The following DHRS12 variants were observed in gnomAD, a reference collection of about 807,000 sequenced individuals.
DHRS12 encodes dehydrogenase/reductase SDR family member 12.
Under a neutral mutation model 32.1 loss-of-function variants are expected in DHRS12, and 29 were observed. The observed-to-expected ratio is 0.90, with a 90% CI of 0.67 to 1.23. The LOEUF is 1.23. Among genes scored for constraint, DHRS12 ranks in the 50% most tolerant of loss-of-function variants. DHRS12 has a pLI of 0.00. For synonymous variants in DHRS12, 150 were observed against 135.9 expected (o/e 1.10, Z -0.72); for missense variants, 330 against 337.2 (o/e 0.98, Z 0.17).
chr13:51,781,779 G>A (rs908107241), intron 4 of DHRS12, among the ~76,000 whole-genome samples: 2 of 152,196 alleles, frequency 1.3e-5, no homozygotes, highest in African/African-American at 2.4e-5. Flanking sequence ...GCCTCCAAGG[G>A]CAACGCCAGA....
intron 4 of DHRS12, among the ~76,000 whole-genome samples, chr13:51,786,907 T>A (rs1004778561): frequency 6.6e-6 from 1 of 152,142 alleles, no homozygotes; most frequent in Non-Finnish European, 1.5e-5. Flanking sequence ...GGAAAACATG[T>A]TTCATATTAG....
chr13:51,762,792 A>G, the DHRS12 span: 2 of 121,502 alleles, frequency 1.6e-5, no homozygotes, highest in Non-Finnish European at 3.6e-5. Flanking sequence ...ATAATGCCTA[A>G]CATGCCTGCG....
chr13:51,772,074 C>T (rs1272726782), intron 6 of DHRS12, among the ~76,000 whole-genome samples, 163 bp from the exon 7 acceptor site: 1 of 152,092 alleles, frequency 6.6e-6, no homozygotes, highest in Non-Finnish European at 1.5e-5. Context: ...TACTCAGCAG[C>T]CCTGAGTAGG....
chr13:51,789,217 A>G (rs773891000), intron 4 of DHRS12, among the ~76,000 whole-genome samples: 37 of 152,200 alleles, frequency 2.4e-4, no homozygotes, highest in Non-Finnish European at 4.7e-4. Flanking sequence ...GTGACCTAGA[A>G]CAATACTTAA....
intron 7 of DHRS12, among the ~76,000 whole-genome samples, chr13:51,770,249 G>A (rs1305399807): frequency 6.6e-6 from 1 of 152,178 alleles, no homozygotes; most frequent in Admixed American, 6.5e-5. Flanking sequence ...CTTGTGATGT[G>A]TCACTCCGCG....
chr13:51,786,847 G>C (rs148649274), intron 4 of DHRS12, among the ~76,000 whole-genome samples: 23 of 152,314 alleles, frequency 1.5e-4, no homozygotes, highest in Admixed American at 2.6e-4. Flanking sequence ...CAGCTCATGT[G>C]AATCTTAGAA....
Position 51,768,803 on chromosome 13 carries a change from G to C in DHRS12, c.697+353C>G, listed in dbSNP as rs572802253. ...AGTCCCTTACACCCTTTGCACTGCA[G>C]AGAAGCAGAGTCCGTTACTCCCTTT... On this transcript the variant is annotated intron_variant, in intron 8 of 8. Coordinates refer to ENST00000444610, the MANE Select transcript of DHRS12 (RefSeq NM_001377533.1). 1.6e-4 allele frequency: 197 copies of C among 1,243,932 alleles called. 5 individuals carry two copies. The South Asian group carries it at 3.8e-3, about 24-fold the overall frequency. 77.1% of individuals were successfully genotyped at this position (1,243,932 alleles called of 1,614,324 possible).
At chr13:51,767,907 G>GAT, downstream of DHRS12, 1 of 1,018,194 alleles carries the variant, frequency 9.8e-7, no homozygotes, top group Non-Finnish European at 1.3e-6. Flanking sequence ...AGACTGAAAT[G>GAT]ATGGTTCATC....
At chr13:51,773,504 G>A (rs1249795602) in intron 6 of DHRS12, among the ~76,000 whole-genome samples, 2 of 152,112 alleles carry the variant, frequency 1.3e-5, no homozygotes, top group African/African-American at 4.8e-5. Flanking sequence ...GTTCAGAGTA[G>A]TCAAGGGTTC....
At position 51,793,792 on chromosome 13, in the gene DHRS12, C is replaced by G. The variant is rs977111013; in HGVS notation, c.127-2535G>C. ...CCTTGTCTGCCACCACCCTAAAACT[C>G]CCTCCTACCAGAAAGCGCTGTGTAA... On this transcript the variant is annotated intron_variant, in intron 2 of 8. Transcript: ENST00000444610. 2.0e-5 allele frequency among the ~76,000 whole-genome samples: 3 copies of G among 152,334 alleles called. No individual in the cohort carries two copies. The South Asian group carries it at 6.2e-4, about 32-fold the overall frequency.
At chr13:51,768,608 C>T (rs1338231149) in intron 8 of DHRS12, 2 of 1,218,054 alleles carry the variant, frequency 1.6e-6, no homozygotes, top group Non-Finnish European at 2.1e-6. Context: ...ATTCCTCAAG[C>T]AAGGGTGGTT....
At chr13:51,761,986 G>C in the DHRS12 span, 1 of 152,224 alleles carries the variant, frequency 6.6e-6, no homozygotes, top group Non-Finnish European at 1.5e-5. Context: ...CTGCATGATT[G>C]CTCTTTGAGA....
rs139463725 is a variant in DHRS12 at position 51,799,729 on chromosome 13, G to A, written c.-8-62C>T. 2.1e-4 allele frequency: 332 copies of A among 1,578,914 alleles called. 1 individual carries two copies. The African/African-American group carries it at 3.9e-3, about 19-fold the overall frequency. On this transcript the variant is annotated intron_variant, in intron 1 of 8. Transcript: ENST00000444610. ...GGAGTGGGGAACACAAACCCCTGCA[G>A]GAGAAAGCCTAATTCTAGGATGGGC...
intron 2 of DHRS12, among the ~76,000 whole-genome samples, chr13:51,796,588 T>C (rs1159393304): frequency 6.6e-6 from 1 of 152,186 alleles, no homozygotes; most frequent in Non-Finnish European, 1.5e-5. Context: ...ATTATCATCA[T>C]TTTTCATTTA....
At chr13:51,767,971 A>T, downstream of DHRS12, 2 of 1,358,608 alleles carry the variant, frequency 1.5e-6, no homozygotes, top group Non-Finnish European at 1.9e-6. Context: ...ACTTAAAATA[A>T]GAAAAGAACC....
the DHRS12 span, among the ~76,000 whole-genome samples, chr13:51,758,610 C>T: frequency 3.4e-5 from 5 of 148,946 alleles, no homozygotes; most frequent in Admixed American, 1.3e-4. Context: ...GAACCTATTA[C>T]AAACCTGATA....
Position 51,771,828 on chromosome 13 carries a change from G to T in DHRS12, c.552C>A (p.Asp184Glu). The T allele has an allele frequency of 1.2e-6, 2 of 1,614,154 alleles. No homozygotes were observed. Among genetic ancestry groups the T allele is most frequent in the Non-Finnish European group, 1.7e-6 (2 of 1,180,016 alleles). Residue 184 changes from aspartate to glutamate, a missense_variant, in exon 7 of 9, where the codon GAC becomes GAA. By Grantham distance (45) the Asp-to-Glu change is conservative. Coordinates refer to ENST00000444610, the MANE Select transcript of DHRS12 (RefSeq NM_001377533.1). ...TTAAAGGCTATGACATACCTGGGGT[G>T]TCGGCCCAGCCAGGATGCATGGAAG... Reference protein sequence around the residue: ...HFSSMHPGWADTPGVRQAMPG... With the variant: ...HFSSMHPGWAETPGVRQAMPG...
At chr13:51,802,478 G>A (rs568709330) in intron 1 of DHRS12, among the ~76,000 whole-genome samples, 2 of 152,300 alleles carry the variant, frequency 1.3e-5, no homozygotes, top group East Asian at 3.9e-4. Context: ...AAGCTGGCAG[G>A]TATCTGTGTC....
intron 7 of DHRS12, 70 bp from the exon 8 acceptor site, chr13:51,769,363 T>TAAAA (rs11374211): frequency 2.0e-5 from 20 of 1,013,646 alleles, no homozygotes; most frequent in South Asian, 3.9e-5. Flanking sequence ...TCCCTTAATT[T>TAAAA]AAAAAAAAAA....
Sources: allele counts gnomAD v4.1 joint callset (sites outside exome capture counted in the v4.1 genomes callset), GRCh38; gene constraint gnomAD v4.1.1; transcripts MANE v1.5; gene names NCBI Gene and HGNC (gene_info 2026-07-23, HGNC 2026-07-21).